The following PRRC2C variants were observed in gnomAD, a reference collection of about 807,000 sequenced individuals.
The protein encoded by PRRC2C is protein PRRC2C.
PRRC2C carries 72 observed loss-of-function variants against 317.2 expected under a neutral mutation model. The ratio of observed to expected loss-of-function variants is 0.23; its 90% confidence interval spans 0.19 to 0.28. The LOEUF (loss-of-function observed/expected upper bound fraction) is 0.28. Among genes scored for constraint, PRRC2C ranks in the 10% least tolerant of loss-of-function variants. The probability of loss-of-function intolerance (pLI) is 1.00; values close to 1 mark genes in which losing one functional copy is unlikely to be tolerated. For synonymous variants in PRRC2C, 1,296 were observed against 1,205.9 expected, an observed-to-expected ratio of 1.07 and a Z score of -1.55; for missense variants, 3,074 against 3,459.7, an observed-to-expected ratio of 0.89 and a Z score of 2.80.
In PRRC2C at chr1:171,587,634, A is replaced by G. The variant is rs1300428196; in HGVS notation, c.7969-14A>G. The G allele has an allele frequency of 1.3e-5, 20 of 1,539,992 alleles. No individual in the cohort carries two copies. Among genetic ancestry groups the G allele is most frequent in the Non-Finnish European group, 1.8e-5 (20 of 1,114,286 alleles). ...ATTAAAGAAATGTTAAGTTTATTTT[A>G]TGCTTCTCCTCAGATGTCTGAAATG... On this transcript the variant is annotated splice_polypyrimidine_tract_variant and intron_variant, in intron 31 of 34. Transcript: ENST00000647382.
At chr1:171,574,389 A>G (rs1264112777) in intron 24 of PRRC2C, among the ~76,000 whole-genome samples, 1 of 152,220 alleles carries the variant, frequency 6.6e-6, no homozygotes, top group East Asian at 1.9e-4. Context: ...ATTTTCTGCC[A>G]TTTAAGAAAC....
chr1:171,515,170 G>A (rs961874742), intron 4 of PRRC2C, among the ~76,000 whole-genome samples: 1 of 152,226 alleles, frequency 6.6e-6, no homozygotes, highest in African/African-American at 2.4e-5. Context: ...TTCTATGGAA[G>A]AACCAATCTG....
intron 28 of PRRC2C, 131 bp from the exon 29 acceptor site, chr1:171,583,825 T>C: frequency 5.6e-6 from 4 of 711,252 alleles, no homozygotes; most frequent in South Asian, 1.9e-5. Context: ...AATATATATG[T>C]GGTCTGTTGT....
intron 16 of PRRC2C, among the ~76,000 whole-genome samples, chr1:171,545,085 AT>A (rs1571911169): frequency 6.6e-6 from 1 of 152,276 alleles, no homozygotes; most frequent in East Asian, 1.9e-4. Context: ...CTTTTTAAAA[AT>A]TTTTGTTTTC....
intron 17 of PRRC2C, among the ~76,000 whole-genome samples, chr1:171,546,916 C>G (rs1288358150): frequency 7.2e-5 from 11 of 152,072 alleles, no homozygotes. Flanking sequence ...CCACGCCCAG[C>G]CATAATATTG....
chr1:171,541,332 C>A lies in PRRC2C; in HGVS notation c.3866C>A (p.Pro1289His). The change falls in exon 16 of 35, where the codon CCC becomes CAC. Residue 1289 changes from proline (P) to histidine (H), a missense_variant. By Grantham distance (77) the Pro-to-His change is moderately conservative. Transcript: ENST00000647382. This position sits in a 1 kb window ranked among gnomAD's most constrained non-coding sequence, Gnocchi z 4.1. ...DKDSLSKGKL[P>H]KREERPENKK... ...GACAGTTTAAGTAAAGGCAAACTTCCCAAAAGAGAGGAACGGCCTGAAAAC... is the reference window on the plus strand; with the variant it reads ...GACAGTTTAAGTAAAGGCAAACTTCACAAAAGAGAGGAACGGCCTGAAAAC... 6.2e-7 allele frequency: 1 copy of A among 1,613,168 alleles called. No homozygotes were observed. Among genetic ancestry groups the A allele is most frequent in the Middle Eastern group, 1.7e-4 (1 of 6,054 alleles).
At chr1:171,519,699 ACT>A (rs1397061173) in intron 6 of PRRC2C, among the ~76,000 whole-genome samples, 1 of 151,974 alleles carries the variant, frequency 6.6e-6, no homozygotes, top group African/African-American at 2.4e-5. Flanking sequence ...AAGACTCATT[ACT>A]CTCATAGGAA....
chr1:171,579,541 T>A, intron 27 of PRRC2C, 75 bp downstream of exon 27: 2 of 1,525,764 alleles, frequency 1.3e-6, no homozygotes, highest in South Asian at 2.5e-5. Context: ...TCTTGGAACA[T>A]AAATAATAGA....
At chr1:171,535,011 A>G (rs371146148) in intron 12 of PRRC2C, among the ~76,000 whole-genome samples, 13 of 152,248 alleles carry the variant, frequency 8.5e-5, no homozygotes, top group East Asian at 5.8e-4. Flanking sequence ...AAATAACTAA[A>G]TAAACCAACA....
intron 12 of PRRC2C, among the ~76,000 whole-genome samples, chr1:171,535,158 TAAAA>T (rs537396903): frequency 6.8e-6 from 1 of 147,838 alleles, no homozygotes; most frequent in East Asian, 2.0e-4. Flanking sequence ...TTTCATTATT[TAAAA>T]AAAAAAAACA....
In PRRC2C at chr1:171,589,754, T is replaced by C. The variant is rs1222124307; in HGVS notation, c.8436+149T>C. On this transcript the variant is annotated intron_variant, in intron 34 of 34. Transcript: ENST00000647382. Reference sequence around the variant, plus strand: ...TACTTTTATTCATTCCCCCTTTTTTTTCTTTTTTTTCCCCCATTCCCATTC... The same window carrying C: ...TACTTTTATTCATTCCCCCTTTTTTCTCTTTTTTTTCCCCCATTCCCATTC... 3 of 406,592 alleles carry C rather than the reference T, an allele frequency of 7.4e-6. No homozygotes were observed. In the Admixed American group the frequency reaches 1.4e-4, roughly 19 times the overall value. 25.2% of individuals were successfully genotyped at this position (406,592 alleles called of 1,614,324 possible).
At chr1:171,559,348 A>G (rs1682104889) in intron 19 of PRRC2C, among the ~76,000 whole-genome samples, 1 of 152,086 alleles carries the variant, frequency 6.6e-6, no homozygotes, top group African/African-American at 2.4e-5. Context: ...TTAGGGGCTA[A>G]TGTATCTGAT....
At chr1:171,501,944 A>G (rs1669186904) in intron 1 of PRRC2C, among the ~76,000 whole-genome samples, 1 of 152,170 alleles carries the variant, frequency 6.6e-6, no homozygotes, top group South Asian at 2.1e-4. Flanking sequence ...TTTTCTTGCC[A>G]TTAAAACCTT....
intron 34 of PRRC2C, among the ~76,000 whole-genome samples, chr1:171,590,651 C>T (rs1364062984): frequency 6.6e-6 from 1 of 152,054 alleles, no homozygotes; most frequent in Non-Finnish European, 1.5e-5. Flanking sequence ...TAAAGACTAC[C>T]CAGCAGCAAA....
chr1:171,524,405 C>T (rs1001566745), intron 9 of PRRC2C, among the ~76,000 whole-genome samples: 1 of 152,092 alleles, frequency 6.6e-6, no homozygotes, highest in African/African-American at 2.4e-5. Flanking sequence ...GTTTTATGAT[C>T]GTTTAAGAGA....
Position 171,494,782 on chromosome 1 carries a change from C to G in PRRC2C, c.-58+9047C>G, listed in dbSNP as rs182615455. ...TCACTGCTCTTCCCCACCCTGCCCC[C>G]CTCCCTCAAGAAAGAAACAGATTTC... On this transcript the variant is annotated intron_variant, in intron 1 of 34. Transcript: ENST00000647382. Among the ~76,000 whole-genome samples the G allele has an allele frequency of 3.0e-4, 46 of 152,172 alleles. 1 individual carries two copies. In the East Asian group the frequency reaches 8.1e-3, roughly 27 times the overall value.
At chr1:171,565,795 G>A (rs1683539540) in intron 20 of PRRC2C, among the ~76,000 whole-genome samples, 2 of 152,172 alleles carry the variant, frequency 1.3e-5, no homozygotes, top group Admixed American at 1.3e-4. Context: ...TTTGCTCTAT[G>A]TTACCAATCA....
chr1:171,539,576 AC>A (rs1677561671), intron 15 of PRRC2C, among the ~76,000 whole-genome samples: 1 of 152,026 alleles, frequency 6.6e-6, no homozygotes, highest in Non-Finnish European at 1.5e-5. Flanking sequence ...CCTGGCAGCC[AC>A]CATTATGGTT....
At chr1:171,503,741 A>T (rs1183731160) in intron 1 of PRRC2C, among the ~76,000 whole-genome samples, 1 of 152,206 alleles carries the variant, frequency 6.6e-6, no homozygotes, top group Non-Finnish European at 1.5e-5. Flanking sequence ...CTAAAGACAT[A>T]CCCAAGACTG....
Sources: gnomAD v4.1 joint callset for allele counts (sites outside exome capture counted in the v4.1 genomes callset) on GRCh38, gnomAD v4.1.1 for gene constraint, Gnocchi (gnomAD v3.1) non-coding constraint, MANE v1.5 for transcripts, NCBI Gene and HGNC (gene_info 2026-07-23, HGNC 2026-07-21) for gene names.